Variants in TRIM2 observed in about 807,000 individuals in gnomAD.
TRIM2 encodes the protein tripartite motif-containing protein 2.
Under a neutral mutation model 75.2 loss-of-function variants are expected in TRIM2, and 20 were observed. The observed-to-expected ratio is 0.27, with a 90% CI of 0.19 to 0.39. The LOEUF is 0.39. Among genes scored for constraint, TRIM2 ranks in the 10% least tolerant of loss-of-function variants. TRIM2 has a pLI of 1.00. For synonymous variants in TRIM2, 373 were observed against 388.3 expected, an observed-to-expected ratio of 0.96 and a Z score of 0.46; for missense variants, 660 against 990.8, an observed-to-expected ratio of 0.67 and a Z score of 4.48.
At chr4:153,241,606 C>T (rs1402346423) in intron 1 of TRIM2, among the ~76,000 whole-genome samples, 1 of 152,036 alleles carries the variant, frequency 6.6e-6, no homozygotes, top group Non-Finnish European at 1.5e-5. Context: ...GCAGAGAACC[C>T]AGGAGCAGAG....
chr4:153,261,253 C>T (rs539734945), intron 1 of TRIM2, among the ~76,000 whole-genome samples: 14 of 152,246 alleles, frequency 9.2e-5, no homozygotes, highest in Admixed American at 2.6e-4. Context: ...GACACCCTCT[C>T]GCTACTAAAA....
chr4:153,225,572 T>C (rs1051467688), intron 1 of TRIM2, among the ~76,000 whole-genome samples: 2 of 152,232 alleles, frequency 1.3e-5, no homozygotes, highest in East Asian at 3.8e-4. Context: ...GAGTTTAATT[T>C]AGTATTTTCT....
At chr4:153,305,861 A>C (rs1764865706) in intron 6 of TRIM2, among the ~76,000 whole-genome samples, 1 of 152,218 alleles carries the variant, frequency 6.6e-6, no homozygotes, top group Admixed American at 6.5e-5. Flanking sequence ...GCAGAGATCA[A>C]AAGTTTAATT....
chr4:153,249,365 G>C (rs1416757054), intron 1 of TRIM2, among the ~76,000 whole-genome samples: 1 of 152,216 alleles, frequency 6.6e-6, no homozygotes, highest in Non-Finnish European at 1.5e-5. Flanking sequence ...AGCCCCTAGG[G>C]CTCCGCCTGG....
chr4:153,288,657 CT>C (rs1761192355), intron 3 of TRIM2, among the ~76,000 whole-genome samples: 1 of 152,088 alleles, frequency 6.6e-6, no homozygotes, highest in African/African-American at 2.4e-5. Context: ...CCAGCCATTA[CT>C]TTTGCAAATA....
At chr4:153,204,667 A>T (rs1443601696) in intron 1 of TRIM2, 107 bp downstream of exon 1, 1 of 1,403,696 alleles carries the variant, frequency 7.1e-7, no homozygotes, top group East Asian at 2.5e-5. Flanking sequence ...CCTGGTTTTA[A>T]TTTTTTCCCT....
At chr4:153,175,390 G>A (rs1731321718) in intron 1 of TRIM2, among the ~76,000 whole-genome samples, 1 of 152,020 alleles carries the variant, frequency 6.6e-6, no homozygotes, top group Admixed American at 6.6e-5. Flanking sequence ...TGCACAGCCG[G>A]ATATTCCCTA....
At chr4:153,244,262 C>T (rs1446288339) in intron 1 of TRIM2, among the ~76,000 whole-genome samples, 44 of 3,278 alleles carry the variant, frequency 0.013, 9 homozygotes, top group African/African-American at 0.033. Context: ...TTTCCTCCTC[C>T]TCCTCCTCCT....
intron 1 of TRIM2, among the ~76,000 whole-genome samples, chr4:153,209,383 A>G (rs1309174172): frequency 2.0e-5 from 3 of 151,946 alleles, no homozygotes; most frequent in Non-Finnish European, 4.4e-5. Context: ...CTGGAATTGC[A>G]CTCCCTAGAG....
rs139062672 is a variant in TRIM2 at position 153,227,857 on chromosome 4, T to C, written c.30+23297T>C. ...AGTTTGCCTTAGCAGCAGCAAAATC[T>C]ATCTCAGTGTTTAGTACTCTCCTCG... is the stretch of plus-strand genomic sequence containing the variant. On this transcript the variant is annotated intron_variant, in intron 1 of 11. Coordinates refer to ENST00000338700, the MANE Select transcript of TRIM2 (RefSeq NM_015271.5). Among the ~76,000 whole-genome samples the C allele has an allele frequency of 2.7e-3, 411 of 152,288 alleles. 1 individual carries two copies. Among genetic ancestry groups the C allele is most frequent in the African/African-American group, 9.5e-3 (395 of 41,564 alleles).
chr4:153,214,825 G>GT (rs1738048803), intron 1 of TRIM2, among the ~76,000 whole-genome samples: 2 of 152,232 alleles, frequency 1.3e-5, no homozygotes, highest in Admixed American at 6.5e-5. Context: ...CATACTAGGT[G>GT]TTTTTTATTT....
At chr4:153,251,270 C>T (rs547914693) in intron 1 of TRIM2, among the ~76,000 whole-genome samples, 2 of 152,298 alleles carry the variant, frequency 1.3e-5, no homozygotes, top group Admixed American at 6.5e-5. Flanking sequence ...GGAAGGGGCT[C>T]GGCCTCTTGG....
intron 6 of TRIM2, among the ~76,000 whole-genome samples, chr4:153,309,331 C>T (rs1353526557): frequency 1.3e-5 from 2 of 152,144 alleles, no homozygotes; most frequent in African/African-American, 4.8e-5. Context: ...ATGTGTCTAG[C>T]TTCAACTTTC....
intron 1 of TRIM2, among the ~76,000 whole-genome samples, chr4:153,169,392 T>A (rs1730624346): frequency 1.3e-5 from 2 of 152,198 alleles, no homozygotes; most frequent in Admixed American, 1.3e-4. Context: ...ATTTAACAGT[T>A]CCCTACGTTT....
At chr4:153,300,582 G>A (rs369460781) in intron 6 of TRIM2, among the ~76,000 whole-genome samples, 43 of 151,604 alleles carry the variant, frequency 2.8e-4, no homozygotes, top group Middle Eastern at 3.4e-3. Context: ...TTACTCTGTC[G>A]CCAGGCTGGT....
intron 1 of TRIM2, among the ~76,000 whole-genome samples, chr4:153,228,744 C>T (rs114732786): frequency 0.014 from 2,095 of 152,330 alleles, 40 homozygotes; most frequent in African/African-American, 0.047. Context: ...CCAGGTCACG[C>T]GGCAGTCATA....
intron 1 of TRIM2, among the ~76,000 whole-genome samples, chr4:153,235,354 G>A (rs543104267): frequency 3.5e-4 from 53 of 151,652 alleles, no homozygotes; most frequent in African/African-American, 1.2e-3. Context: ...GCATGATCAC[G>A]GCTCACTACA....
intron 6 of TRIM2, among the ~76,000 whole-genome samples, chr4:153,303,425 A>G (rs1448424588): frequency 2.0e-5 from 3 of 151,554 alleles, no homozygotes; most frequent in Non-Finnish European, 2.9e-5. Context: ...GTGAGCCAAG[A>G]TCTTGCCACT....
intron 2 of TRIM2, among the ~76,000 whole-genome samples, chr4:153,273,036 G>A (rs928027137): frequency 6.0e-5 from 9 of 151,128 alleles, no homozygotes; most frequent in East Asian, 2.0e-4. Context: ...ACGGGGTTTC[G>A]CCATGTTGGC....
Sources: allele counts gnomAD v4.1 joint callset (sites outside exome capture counted in the v4.1 genomes callset), GRCh38; gene constraint gnomAD v4.1.1; transcripts MANE v1.5; gene names NCBI Gene and HGNC (gene_info 2026-07-23, HGNC 2026-07-21).